Variants in ATE1 observed in about 807,000 individuals in gnomAD.
ATE1 encodes arginyl-tRNA--protein transferase 1.
A neutral mutation model predicts 70.5 loss-of-function variants in ATE1; 36 were observed. That is an observed-to-expected ratio of 0.51 (90% CI 0.39 to 0.67). The LOEUF is 0.67. ATE1 is among the 30% of genes least tolerant of loss of function. ATE1 has a pLI of 0.00. For synonymous variants in ATE1, 232 were observed against 219.3 expected (o/e 1.06, Z -0.51); for missense variants, 593 against 629.5 (o/e 0.94, Z 0.62).
At chr10:121,923,515 T>C (rs561418166) in intron 2 of ATE1, among the ~76,000 whole-genome samples, 22 of 152,260 alleles carry the variant, frequency 1.4e-4, no homozygotes, top group African/African-American at 5.3e-4. Flanking sequence ...TATCATGGCA[T>C]GTGAAGTCCT....
chr10:121,848,543 G>A (rs566122253), intron 8 of ATE1, among the ~76,000 whole-genome samples: 15 of 150,788 alleles, frequency 9.9e-5, no homozygotes, highest in Admixed American at 2.0e-4. Context: ...GCTTGAACCC[G>A]GAATGCAGAG....
intron 11 of ATE1, among the ~76,000 whole-genome samples, chr10:121,778,578 T>G (rs1218705529): frequency 1.4e-5 from 2 of 138,208 alleles, no homozygotes; most frequent in Admixed American, 1.5e-4. Context: ...TTTTTTTTTT[T>G]TTTTTTTTTT....
Position 121,743,773 on chromosome 10 carries a change from C to G in ATE1, c.1464G>C (p.Gln488His). 1 of 1,614,128 alleles carries G rather than the reference C, an allele frequency of 6.2e-7. No individual in the cohort carries two copies. Among genetic ancestry groups the G allele is most frequent in the Non-Finnish European group, 8.5e-7 (1 of 1,180,034 alleles). The change falls in exon 12 of 12, where the codon CAG becomes CAC. Residue 488 changes from glutamine (Q) to histidine (H), a missense_variant. Transcript: ENST00000224652. ...AIMPYGVYKK[Q>H]QKDPSEEAAV... Reference sequence around the variant, plus strand: ...CAGCCTCCTCACTTGGGTCTTTCTGCTGTTTCTTATAAACACCGTAAGGCA... The same window carrying G: ...CAGCCTCCTCACTTGGGTCTTTCTGGTGTTTCTTATAAACACCGTAAGGCA...
In ATE1 at chr10:121,922,426, A is replaced by G. The variant is rs1360605299; in HGVS notation, c.171-15T>C. 6.5e-7 allele frequency: 1 copy of G among 1,528,218 alleles called. No individual in the cohort carries two copies. Among genetic ancestry groups the G allele is most frequent in the East Asian group, 2.3e-5 (1 of 43,920 alleles). The allele number at this position is 1,528,218 out of a possible 1,614,324, so 94.7% of individuals were successfully genotyped here. A position where few individuals can be genotyped will look rare whatever the true frequency, so the allele number is the denominator to read the frequency against. ...ATTTTCCACTTCTAAAATTATAAAA[A>G]TAGTTTGTTAATGTCTTATATATTT... On this transcript the variant is annotated splice_polypyrimidine_tract_variant and intron_variant, in intron 2 of 11. Coordinates refer to ENST00000224652, the MANE Select transcript of ATE1 (RefSeq NM_001001976.3).
chr10:121,851,570 T>G (rs1949057921), intron 8 of ATE1, among the ~76,000 whole-genome samples: 1 of 148,838 alleles, frequency 6.7e-6, no homozygotes, highest in East Asian at 2.0e-4. Flanking sequence ...CTAGGTCAGT[T>G]TTTGTTTTTG....
intron 10 of ATE1, among the ~76,000 whole-genome samples, chr10:121,805,200 TA>T (rs1947048576): frequency 3.9e-5 from 6 of 152,202 alleles, no homozygotes; most frequent in African/African-American, 1.4e-4. Context: ...GTAGGGCATA[TA>T]AAAATCTAGA....
intron 1 of ATE1, among the ~76,000 whole-genome samples, 166 bp downstream of exon 1, chr10:121,927,678 G>T (rs1162796907): frequency 6.6e-6 from 1 of 152,200 alleles, no homozygotes; most frequent in African/African-American, 2.4e-5. Context: ...GCACCGCGAA[G>T]CTGCCCCGCT....
chr10:121,781,765 C>G (rs1238465742), intron 11 of ATE1, among the ~76,000 whole-genome samples: 1 of 152,190 alleles, frequency 6.6e-6, no homozygotes, highest in Non-Finnish European at 1.5e-5. Flanking sequence ...TTAATTCTTT[C>G]CCTATTGTCA....
intron 11 of ATE1, among the ~76,000 whole-genome samples, chr10:121,756,873 A>T (rs1944825544): frequency 6.6e-6 from 1 of 152,128 alleles, no homozygotes; most frequent in African/African-American, 2.4e-5. Flanking sequence ...TAACCTGGAG[A>T]TATTTTCCCC....
chr10:121,867,632 T>C (rs1296042302), intron 8 of ATE1, among the ~76,000 whole-genome samples: 1 of 152,130 alleles, frequency 6.6e-6, no homozygotes, highest in African/African-American at 2.4e-5. Context: ...TGTGGGCCCT[T>C]TACTGGAAGA....
chr10:121,816,745 T>A (rs1199381891), intron 10 of ATE1, among the ~76,000 whole-genome samples: 1 of 152,240 alleles, frequency 6.6e-6, no homozygotes, highest in Non-Finnish European at 1.5e-5. Context: ...GGTATTTTGT[T>A]ACAGCAGCAC....
intron 7 of ATE1, among the ~76,000 whole-genome samples, chr10:121,874,358 C>G (rs2134053376): frequency 6.6e-6 from 1 of 152,236 alleles, no homozygotes; most frequent in East Asian, 1.9e-4. Context: ...ATCTACAACT[C>G]TAAGAAATTA....
chr10:121,809,671 C>G (rs963233926), intron 10 of ATE1, among the ~76,000 whole-genome samples: 3 of 151,738 alleles, frequency 2.0e-5, no homozygotes, highest in Admixed American at 6.6e-5. Context: ...GCAAATAACA[C>G]AGTATTATTA....
At chr10:121,757,808 G>A (rs919492097) in intron 11 of ATE1, among the ~76,000 whole-genome samples, 1 of 152,224 alleles carries the variant, frequency 6.6e-6, no homozygotes, top group African/African-American at 2.4e-5. Flanking sequence ...TGGGGACACA[G>A]AGCCAAACCA....
At chr10:121,765,298 G>C (rs891684443) in intron 11 of ATE1, among the ~76,000 whole-genome samples, 1 of 146,602 alleles carries the variant, frequency 6.8e-6, no homozygotes, top group African/African-American at 2.5e-5. Context: ...TATGGTCAAG[G>C]AGGCAGAAGA....
intron 4 of ATE1, among the ~76,000 whole-genome samples, chr10:121,911,673 G>A (rs1256688147): frequency 1.3e-5 from 2 of 152,092 alleles, no homozygotes; most frequent in African/African-American, 2.4e-5. Flanking sequence ...TTAAAGAAAA[G>A]CCCAGAATGG....
chr10:121,921,459 C>T (rs145425720), intron 3 of ATE1, among the ~76,000 whole-genome samples: 15 of 151,122 alleles, frequency 9.9e-5, no homozygotes, highest in African/African-American at 3.6e-4. Context: ...TCTGGAGATT[C>T]TCCCAGCACT....
intron 10 of ATE1, among the ~76,000 whole-genome samples, chr10:121,794,661 TAAAAAAA>T (rs374044559): frequency 6.1e-5 from 4 of 65,732 alleles, no homozygotes; most frequent in African/African-American, 2.6e-4. Flanking sequence ...GAATGTCTGG[TAAAAAAA>T]AAAAAAAAAA....
At chr10:121,790,409 T>C (rs774873908) in intron 10 of ATE1, 120 bp from the exon 11 acceptor site, 2 of 1,282,522 alleles carry the variant, frequency 1.6e-6, no homozygotes, top group Non-Finnish European at 2.1e-6. Context: ...AGAAACTGTT[T>C]TACTGTAAAT....
Sources: gnomAD v4.1 joint callset for allele counts (sites outside exome capture counted in the v4.1 genomes callset) on GRCh38, gnomAD v4.1.1 for gene constraint, MANE v1.5 for transcripts, NCBI Gene and HGNC (gene_info 2026-07-23, HGNC 2026-07-21) for gene names.